The following PSG2 variants were observed in gnomAD, a reference collection of about 807,000 sequenced individuals.
PSG2 encodes the protein pregnancy-specific beta-1-glycoprotein 2.
In PSG2, 49 loss-of-function variants were observed where a neutral mutation model predicts 36.2. The ratio of observed to expected loss-of-function variants is 1.35; its 90% CI spans 1.08 to 1.72. The LOEUF (loss-of-function observed/expected upper bound fraction) is 1.72. Ranked by LOEUF, PSG2 falls within the 40% of genes most tolerant of loss-of-function variation. The pLI, the probability that PSG2 is intolerant of heterozygous loss-of-function variation, is 0.00. For synonymous variants in PSG2, 261 were observed against 155.6 expected (o/e 1.68, Z -5.04); for missense variants, 605 against 407.2 (o/e 1.49, Z -4.18).
intron 4 of PSG2, among the ~76,000 whole-genome samples, chr19:43,071,038 G>C (rs1159672411): frequency 6.6e-6 from 1 of 151,706 alleles, no homozygotes; most frequent in African/African-American, 2.4e-5. Context: ...CCAGGCTTAG[G>C]AGTCTGCCCT....
chr19:43,081,350 GACACACACACAC>G lies in PSG2; in HGVS notation c.65-116_65-105del, dbSNP rs56971156. ...GGTCTCTTCAATCCTCAGCCTTGAA[GACACACACACAC>G]ACACACACACACACACACACACACA... On this transcript the variant is annotated intron_variant, in intron 1 of 5. Coordinates refer to ENST00000406487, the MANE Select transcript of PSG2 (RefSeq NM_031246.4). 2,305 of 856,434 alleles carry G rather than the reference GACACACACACAC, an allele frequency of 2.7e-3. 12 individuals are homozygous for G. Among genetic ancestry groups the G allele is most frequent in the East Asian group, 8.8e-3 (347 of 39,558 alleles). 53.1% of individuals were successfully genotyped at this position (856,434 alleles called of 1,614,324 possible). A position where few individuals can be genotyped will look rare whatever the true frequency, so the allele number is the denominator to read the frequency against.
intron 5 of PSG2, among the ~76,000 whole-genome samples, chr19:43,065,196 A>C (rs1967723876): frequency 6.6e-6 from 1 of 151,636 alleles, no homozygotes; most frequent in African/African-American, 2.4e-5. Flanking sequence ...AGCATCACTT[A>C]TCCCTTATTT....
intron 2 of PSG2, among the ~76,000 whole-genome samples, chr19:43,077,551 T>G (rs574618586): frequency 1.3e-5 from 2 of 151,686 alleles, no homozygotes; most frequent in Non-Finnish European, 2.9e-5. Flanking sequence ...GGCTCATGTG[T>G]CTCCCCACAA....
intron 4 of PSG2, 92 bp downstream of exon 4, chr19:43,071,608 G>T: frequency 1.2e-6 from 2 of 1,610,882 alleles, no homozygotes; most frequent in Non-Finnish European, 1.7e-6. Context: ...TGGGACACAG[G>T]CTGGGAATAA....
At chr19:43,079,525 G>A (rs963038423) in intron 2 of PSG2, among the ~76,000 whole-genome samples, 3 of 151,606 alleles carry the variant, frequency 2.0e-5, no homozygotes, top group African/African-American at 7.3e-5. Context: ...CTGAGTGTGT[G>A]TGTCTCTCAC....
chr19:43,069,904 C>T (rs1288917630), intron 4 of PSG2, among the ~76,000 whole-genome samples: 2 of 151,640 alleles, frequency 1.3e-5, no homozygotes, highest in Non-Finnish European at 2.9e-5. Context: ...AAAGGCAACC[C>T]ATGAAATGAT....
chr19:43,066,478 G>T lies in PSG2; in HGVS notation c.*40+39C>A, dbSNP rs779429703. ...TTCCCTCTCCCAAGCATGGCAGTCA[G>T]CTCTGCAGGAACCAGGATAAGAGAA... is the stretch of plus-strand genomic sequence containing the variant. On this transcript the variant is annotated intron_variant, in intron 5 of 5. Transcript: ENST00000406487. The T allele has an allele frequency of 2.0e-4, 287 of 1,405,502 alleles. 3 individuals are homozygous for T. Among genetic ancestry groups the T allele is most frequent in the Non-Finnish European group, 2.8e-4 (274 of 992,666 alleles). The allele number at this position is 1,405,502 out of a possible 1,614,324, so 87.1% of individuals were successfully genotyped here. A position where few individuals can be genotyped will look rare whatever the true frequency, so the allele number is the denominator to read the frequency against.
chr19:43,066,153 C>T (rs576883274), intron 5 of PSG2, among the ~76,000 whole-genome samples: 18 of 151,750 alleles, frequency 1.2e-4, no homozygotes, highest in African/African-American at 3.9e-4. Flanking sequence ...ATTTCAAAGT[C>T]TGGAGACAAG....
At chr19:43,070,333 C>A (rs1167070152) in intron 4 of PSG2, among the ~76,000 whole-genome samples, 1 of 151,674 alleles carries the variant, frequency 6.6e-6, no homozygotes. Flanking sequence ...TTTGATCCAG[C>A]AATTCCACTT....
rs750941833 is a variant in PSG2, at chr19:43,081,080, A to G, written c.231T>C (p.His77=). 2 of 1,612,848 alleles carry G rather than the reference A, an allele frequency of 1.2e-6. No homozygotes were observed. Among genetic ancestry groups the G allele is most frequent in the Non-Finnish European group, 1.7e-6 (2 of 1,179,666 alleles). The change falls in exon 2 of 6, where the codon CAT becomes CAC. Residue 77 remains histidine, a synonymous_variant. Transcript: ENST00000406487. ...WYKGQIRDLY[H]YITSYVVDGQ... The stretch of plus-strand genomic sequence containing the variant: ...CGTCTACTACATATGATGTAATGTA[A>G]TGGTAGAGGTCCCTGATTTGCCCTT...
chr19:43,066,689 T>A, intron 4 of PSG2, 89 bp from the exon 5 acceptor site: 1 of 1,408,964 alleles, frequency 7.1e-7, no homozygotes, highest in East Asian at 2.3e-5. Context: ...CATGAGGTAC[T>A]CTATAATTGT....
rs1967986546 is a variant in PSG2, at chr19:43,082,120, C to CTTTT, written c.64+385_64+386insAAAA. On this transcript the variant is annotated intron_variant, in intron 1 of 5. Coordinates refer to ENST00000406487, the MANE Select transcript of PSG2 (RefSeq NM_031246.4). ...TTCTTTCCTTTTATTTCTTTCTTCT[C>CTTTT]TCTTTTTTTTTTTTTTTTTTTTTTT... The CTTTT allele has an allele frequency of 8.6e-4, 78 of 90,832 alleles. 1 individual carries two copies. Among genetic ancestry groups the CTTTT allele is most frequent in the Non-Finnish European group, 1.4e-3 (64 of 45,156 alleles). 5.6% of individuals were successfully genotyped at this position (90,832 alleles called of 1,614,324 possible).
At position 43,081,123 on chromosome 19, in the gene PSG2, G is replaced by T. The variant is rs1474345795; in HGVS notation, c.188C>A (p.Thr63Asn). ...LLVHNLPQNLTGYIWYKGQIR... is the reference protein window; with the variant it reads ...LLVHNLPQNLNGYIWYKGQIR... ...TTGCCCTTTGTACCAGATGTAGCCA[G>T]TAAGATTCTGGGGCAAATTGTGGAC... Residue 63 changes from threonine (T) to asparagine (N), a missense_variant, in exon 2 of 6, where the codon ACT becomes AAT. Coordinates refer to ENST00000406487, the MANE Select transcript of PSG2 (RefSeq NM_031246.4). 3 of 1,612,770 alleles carry T rather than the reference G, an allele frequency of 1.9e-6. No homozygotes were observed. The highest frequency in any genetic ancestry group is 2.5e-6 in the Non-Finnish European group (3 of 1,179,680).
rs577480350 is a variant in PSG2 at position 43,065,323 on chromosome 19, T to A, written c.*41-722A>T. Among the ~76,000 whole-genome samples the A allele has an allele frequency of 1.2e-3, 179 of 151,728 alleles. 4 individuals are homozygous for A. The highest frequency in any genetic ancestry group is 4.0e-3 in the African/African-American group (163 of 41,158). ...GCCCATTCATAAATAGGGCCAAAAA[T>A]GTATAGTCTTATGTATGTTGAAAAA... On this transcript the variant is annotated intron_variant, in intron 5 of 5. Coordinates refer to ENST00000406487, the MANE Select transcript of PSG2 (RefSeq NM_031246.4).
In PSG2 at chr19:43,075,893, C is replaced by A. The variant is rs574256472; in HGVS notation, c.431-261G>T. Among the ~76,000 whole-genome samples the A allele has an allele frequency of 9.2e-4, 139 of 151,626 alleles. 1 individual carries two copies. The highest frequency in any genetic ancestry group is 3.3e-3 in the African/African-American group (136 of 41,066). On this transcript the variant is annotated intron_variant, in intron 2 of 5. Coordinates refer to ENST00000406487, the MANE Select transcript of PSG2 (RefSeq NM_031246.4). ...CATTGGGTCATGGAAAGACACAGGA[C>A]CAGCAGTCACAGCCCCTGGTGCCTC...
intron 2 of PSG2, among the ~76,000 whole-genome samples, chr19:43,077,619 A>G (rs1216260120): frequency 1.3e-5 from 2 of 151,764 alleles, no homozygotes; most frequent in African/African-American, 2.4e-5. Flanking sequence ...TGTGTGGCAC[A>G]GGCAGTAAAA....
intron 2 of PSG2, among the ~76,000 whole-genome samples, chr19:43,076,608 T>C (rs1362476164): frequency 6.6e-6 from 1 of 151,608 alleles, no homozygotes; most frequent in African/African-American, 2.4e-5. Context: ...CTACCCTATG[T>C]ACCTCATATC....
chr19:43,066,022 GC>G (rs1256943912), intron 5 of PSG2: 1 of 158,154 alleles, frequency 6.3e-6, no homozygotes, highest in Non-Finnish European at 1.4e-5. Context: ...GAAGTGAGAA[GC>G]CTTAGTAAAT....
chr19:43,073,361 T>C (rs1967846393), intron 3 of PSG2, among the ~76,000 whole-genome samples: 1 of 151,836 alleles, frequency 6.6e-6, no homozygotes, highest in African/African-American at 2.4e-5. Context: ...GTTCCCTGTC[T>C]TGGGTTCTTT....
Sources: allele counts gnomAD v4.1 joint callset (sites outside exome capture counted in the v4.1 genomes callset), GRCh38; gene constraint gnomAD v4.1.1; transcripts MANE v1.5; gene names NCBI Gene and HGNC (gene_info 2026-07-23, HGNC 2026-07-21).